FERMT1: variants seen among roughly 807,000 people sequenced by gnomAD.
FERMT1 encodes fermitin family homolog 1.
Under a neutral mutation model 85.3 loss-of-function variants are expected in FERMT1, and 60 were observed. The observed-to-expected ratio is 0.70, with a 90% CI of 0.57 to 0.87. FERMT1 has a LOEUF of 0.87. Ranked by LOEUF, FERMT1 falls within the 40% of genes least tolerant of loss-of-function variation. The pLI, the probability that FERMT1 is intolerant of heterozygous loss-of-function variation, is 0.00. For synonymous variants in FERMT1, 275 were observed against 301.1 expected (o/e 0.91, Z 0.90); for missense variants, 701 against 818.9 (o/e 0.86, Z 1.76).
Position 6,075,127 on chromosome 20 carries a change from A to AAAACTTGTTTATTTCTTTGGGATGTTG in FERMT1, c.*2045_*2046insCAACATCCCAAAGAAATAAACAAGTTT, listed in dbSNP as rs1981778413. 1 of 151,938 alleles carries AAAACTTGTTTATTTCTTTGGGATGTTG rather than the reference A, an allele frequency of 6.6e-6. No individual in the cohort carries two copies. The highest frequency in any genetic ancestry group is 1.9e-4 in the East Asian group (1 of 5,300). The allele number at this position is 151,938 out of a possible 1,614,324, so 9.4% of individuals were successfully genotyped here. ...TCATGGAAGAAACGCTCCCCTGAAA[A>AAAACTTGTTTATTTCTTTGGGATGTTG]CTGTAACCAAACAAAGTTTGGTTAA... On this transcript the variant is annotated 3_prime_UTR_variant, in exon 15 of 15. Transcript: ENST00000217289.
At chr20:6,099,682 C>T (rs1399958272) in intron 6 of FERMT1, among the ~76,000 whole-genome samples, 1 of 151,914 alleles carries the variant, frequency 6.6e-6, no homozygotes, top group Non-Finnish European at 1.5e-5. Context: ...GTGGCCCAAC[C>T]TGGGCAATGT....
At chr20:6,083,751 A>G (rs1021053522) in intron 13 of FERMT1, among the ~76,000 whole-genome samples, 7 of 151,784 alleles carry the variant, frequency 4.6e-5, no homozygotes, top group Admixed American at 4.6e-4. Context: ...CATAAAATCA[A>G]TATGTGATGT....
chr20:6,084,286 A>C, intron 12 of FERMT1, 122 bp from the exon 13 acceptor site: 4 of 1,064,630 alleles, frequency 3.8e-6, no homozygotes, highest in Non-Finnish European at 5.6e-6. Context: ...CTACAAAGAC[A>C]ATCCATTCTC....
At chr20:6,095,361 G>A (rs572578195) in intron 8 of FERMT1, among the ~76,000 whole-genome samples, 2 of 152,236 alleles carry the variant, frequency 1.3e-5, no homozygotes, top group South Asian at 2.1e-4. Context: ...AATGAAAAAC[G>A]AGATGAAAAA....
chr20:6,094,878 C>A (rs1214869199), intron 9 of FERMT1, 61 bp downstream of exon 9: 6 of 941,184 alleles, frequency 6.4e-6, no homozygotes, highest in Admixed American at 5.1e-5. Flanking sequence ...TAAACTCCTG[C>A]ACTCTTTATC....
chr20:6,084,279 C>A, intron 12 of FERMT1, 115 bp from the exon 13 acceptor site: 1 of 1,108,420 alleles, frequency 9.0e-7, no homozygotes, highest in South Asian at 1.3e-5. Flanking sequence ...TGCAGCTCTA[C>A]AAAGACAATC....
intron 3 of FERMT1, among the ~76,000 whole-genome samples, chr20:6,113,886 T>C (rs1414137745): frequency 6.6e-6 from 1 of 152,226 alleles, no homozygotes; most frequent in Non-Finnish European, 1.5e-5. Flanking sequence ...CAGGGTCTTC[T>C]TCTGGGAACT....
intron 9 of FERMT1, among the ~76,000 whole-genome samples, chr20:6,092,280 C>T (rs1012953225): frequency 5.3e-5 from 8 of 152,164 alleles, no homozygotes; most frequent in Non-Finnish European, 1.0e-4. Context: ...CATGGTGGCT[C>T]ATGCCTGGAA....
chr20:6,096,783 T>C, intron 8 of FERMT1, 119 bp downstream of exon 8: 3 of 208,768 alleles, frequency 1.4e-5, no homozygotes, highest in South Asian at 1.4e-4. Context: ...GAAGAGCATC[T>C]TTTTTTTTTT....
At chr20:6,116,450 C>T (rs1045001526) in intron 2 of FERMT1, among the ~76,000 whole-genome samples, 8 of 151,808 alleles carry the variant, frequency 5.3e-5, no homozygotes, top group East Asian at 1.9e-4. Context: ...ATAATAGGGT[C>T]GGGTGCTGTA....
chr20:6,091,493 A>G (rs1195938403), intron 9 of FERMT1, among the ~76,000 whole-genome samples: 1 of 152,054 alleles, frequency 6.6e-6, no homozygotes, highest in Non-Finnish European at 1.5e-5. Flanking sequence ...TGGCCTCCCA[A>G]AGTGCTGGGA....
intron 7 of FERMT1, 107 bp downstream of exon 7, chr20:6,097,417 A>G (rs779847456): frequency 2.2e-4 from 177 of 817,724 alleles, no homozygotes; most frequent in Non-Finnish European, 4.2e-5. Context: ...TTATTTTCAG[A>G]TATTTCTTCA....
At chr20:6,091,157 C>T (rs866789542) in intron 9 of FERMT1, among the ~76,000 whole-genome samples, 3 of 151,840 alleles carry the variant, frequency 2.0e-5, no homozygotes, top group South Asian at 2.1e-4. Context: ...AGCAAGACTT[C>T]GTCTCAAACA....
intron 9 of FERMT1, among the ~76,000 whole-genome samples, chr20:6,090,916 C>T (rs541357239): frequency 1.2e-4 from 18 of 151,982 alleles, no homozygotes; most frequent in Non-Finnish European, 2.2e-4. Context: ...GTAATCCCAG[C>T]ACTTTGGGAG....
Position 6,096,970 on chromosome 20 carries a change from C to T in FERMT1, c.1021G>A (p.Asp341Asn), listed in dbSNP as rs1982519022. The T allele has an allele frequency of 6.2e-7, 1 of 1,614,060 alleles. No homozygotes were observed. The highest frequency in any genetic ancestry group is 1.1e-5 in the South Asian group (1 of 91,076). The stretch of plus-strand genomic sequence containing the variant: ...TTAGAAAGCGCCGCTTCTATTTCAT[C>T]AACCTCGGACTCGCCTGCAAAATCC... ...TQDFAGESEVDEIEAALSNLE... is the reference protein window; with the variant it reads ...TQDFAGESEVNEIEAALSNLE... The change falls in exon 8 of 15, where the codon GAT becomes AAT. Residue 341 changes from aspartate (D) to asparagine (N), a missense_variant. Physicochemically the swap from Asp to Asn is conservative, Grantham distance 23 (BLOSUM62 1). Coordinates refer to ENST00000217289, the MANE Select transcript of FERMT1 (RefSeq NM_017671.5).
At chr20:6,111,580 C>T (rs1311407675) in intron 4 of FERMT1, among the ~76,000 whole-genome samples, 5 of 152,002 alleles carry the variant, frequency 3.3e-5, no homozygotes, top group South Asian at 4.2e-4. Context: ...TGCAATGAGC[C>T]GAGATTGTGC....
At chr20:6,110,743 T>C (rs1445920485) in intron 4 of FERMT1, among the ~76,000 whole-genome samples, 6 of 151,930 alleles carry the variant, frequency 3.9e-5, no homozygotes, top group Admixed American at 2.0e-4. Flanking sequence ...CAGGGCAACA[T>C]AGCAAGACTT....
At position 6,085,069 on chromosome 20, in the gene FERMT1, T is replaced by A. The variant is rs1466628451; in HGVS notation, c.1590A>T (p.Lys530Asn). 9.9e-6 allele frequency: 16 copies of A among 1,612,770 alleles called. No homozygotes were observed. The East Asian group carries it at 3.6e-4, about 36-fold the overall frequency. ...GCCCTAACAAGATTAACAGTACCTG[T>A]TTGGATTTGTGTCTTTTTGCACACC... ...SPRCAKRHKSKQLAARILEAH... is the reference protein window; with the variant it reads ...SPRCAKRHKSNQLAARILEAH... Residue 530 changes from lysine (K) to asparagine (N), a missense_variant, in exon 12 of 15, where the codon AAA (lysine) becomes AAT (asparagine). Lys to Asn is a moderately conservative substitution (Grantham distance 94). Transcript: ENST00000217289.
chr20:6,110,195 A>G, intron 5 of FERMT1, 103 bp downstream of exon 5: 1 of 1,014,428 alleles, frequency 9.9e-7, no homozygotes, highest in Non-Finnish European at 1.5e-6. Flanking sequence ...TTGCAAATAA[A>G]GCACAATCCC....
Sources: gnomAD v4.1 joint callset for allele counts (sites outside exome capture counted in the v4.1 genomes callset) on GRCh38, gnomAD v4.1.1 for gene constraint, MANE v1.5 for transcripts, NCBI Gene and HGNC (gene_info 2026-07-23, HGNC 2026-07-21) for gene names.